Variants in CADPS observed in about 807,000 individuals in gnomAD.
The protein encoded by CADPS is calcium-dependent secretion activator 1.
CADPS carries 57 observed loss-of-function variants against 167.3 expected under a neutral mutation model. The observed-to-expected ratio is 0.34, with a 90% CI of 0.28 to 0.42. CADPS has a LOEUF of 0.42. Ranked by LOEUF, CADPS falls within the 20% of genes least tolerant of loss-of-function variation. The pLI, the probability that CADPS is intolerant of heterozygous loss-of-function variation, is 1.00. For missense variants in CADPS, 1,414 were observed against 1,738.1 expected (o/e 0.81, Z 3.32); for synonymous variants, 676 against 635.3 (o/e 1.06, Z -0.96).
At chr3:62,417,273 ACTCTTTTTTTTTTT>A (rs1411048575) in intron 28 of CADPS, among the ~76,000 whole-genome samples, 1 of 51,534 alleles carries the variant, frequency 1.9e-5, no homozygotes, top group East Asian at 6.9e-4. Context: ...TTTTTCTTTT[ACTCTTTTTTTTTTT>A]TTTTTTTTTT....
intron 28 of CADPS, among the ~76,000 whole-genome samples, chr3:62,406,508 A>C (rs1708554571): frequency 6.6e-6 from 1 of 152,228 alleles, no homozygotes; most frequent in Admixed American, 6.5e-5. Flanking sequence ...ACACCTGGGC[A>C]CTAACTTTTC....
chr3:62,761,901 A>G (rs2085539610), intron 2 of CADPS, among the ~76,000 whole-genome samples: 1 of 152,128 alleles, frequency 6.6e-6, no homozygotes, highest in African/African-American at 2.4e-5. Flanking sequence ...GAAGAGATTA[A>G]TGGATTAATC....
intron 3 of CADPS, among the ~76,000 whole-genome samples, chr3:62,719,410 C>T (rs1259810455): frequency 2.0e-5 from 3 of 152,236 alleles, no homozygotes; most frequent in Non-Finnish European, 4.4e-5. Context: ...GTACCCCTGA[C>T]CCCACAGACT....
chr3:62,842,876 G>A (rs1323304665), intron 1 of CADPS, among the ~76,000 whole-genome samples: 2 of 152,288 alleles, frequency 1.3e-5, no homozygotes, highest in East Asian at 1.9e-4. Flanking sequence ...TGGTACTTAT[G>A]CAAACATATC....
intron 11 of CADPS, among the ~76,000 whole-genome samples, chr3:62,548,063 T>A (rs1406814060): frequency 1.3e-5 from 2 of 152,146 alleles, no homozygotes; most frequent in South Asian, 4.1e-4. Flanking sequence ...CTGAGATACA[T>A]GCTTTATGAG....
At chr3:62,624,004 T>C (rs972856375) in intron 6 of CADPS, among the ~76,000 whole-genome samples, 6 of 152,006 alleles carry the variant, frequency 3.9e-5, no homozygotes, top group African/African-American at 9.7e-5. Context: ...TTTATAGTTA[T>C]AGATTTCTTT....
At chr3:62,627,237 C>T (rs2149598715) in intron 6 of CADPS, among the ~76,000 whole-genome samples, 1 of 151,952 alleles carries the variant, frequency 6.6e-6, no homozygotes, top group Non-Finnish European at 1.5e-5. Flanking sequence ...TCCACCTAAT[C>T]CAATTATTCA....
At chr3:62,782,073 G>C (rs141604344) in intron 1 of CADPS, among the ~76,000 whole-genome samples, 2 of 152,156 alleles carry the variant, frequency 1.3e-5, no homozygotes. Context: ...TTTGGTGAAG[G>C]TTTGGAAGGA....
At chr3:62,783,661 C>T (rs756164270) in intron 1 of CADPS, among the ~76,000 whole-genome samples, 3 of 152,158 alleles carry the variant, frequency 2.0e-5, no homozygotes, top group Admixed American at 6.5e-5. Flanking sequence ...ATATGTAAGA[C>T]TGTTTGTTAA....
intron 6 of CADPS, among the ~76,000 whole-genome samples, chr3:62,594,579 T>C (rs2086873988): frequency 6.6e-6 from 1 of 152,230 alleles, no homozygotes; most frequent in South Asian, 2.1e-4. Flanking sequence ...GTTTTGTTTT[T>C]TGAGGTGGGG....
intron 6 of CADPS, among the ~76,000 whole-genome samples, chr3:62,625,012 G>A (rs1198538812): frequency 6.9e-6 from 1 of 144,024 alleles, no homozygotes; most frequent in Non-Finnish European, 1.5e-5. Flanking sequence ...GAGGGTGTGT[G>A]GGATCCATGG....
At chr3:62,557,857 C>G (rs899476349) in intron 9 of CADPS, among the ~76,000 whole-genome samples, 3 of 152,120 alleles carry the variant, frequency 2.0e-5, no homozygotes, top group African/African-American at 7.2e-5. Context: ...TTGGGTTAAG[C>G]TACATGTGAC....
intron 5 of CADPS, among the ~76,000 whole-genome samples, chr3:62,648,691 C>CAAAAAAACAAAAAAAAA (rs2069183989): frequency 1.8e-5 from 1 of 54,526 alleles, no homozygotes; most frequent in African/African-American, 6.0e-5. Flanking sequence ...GACGTTGTGT[C>CAAAAAAACAAAAAAAAA]AAAAAAAAAA....
At chr3:62,810,279 G>T (rs764225317) in intron 1 of CADPS, among the ~76,000 whole-genome samples, 1 of 152,154 alleles carries the variant, frequency 6.6e-6, no homozygotes, top group African/African-American at 2.4e-5. Flanking sequence ...AAAAGGTAAA[G>T]ACGATAATGT....
At chr3:62,664,509 A>G (rs1297285862) in intron 3 of CADPS, among the ~76,000 whole-genome samples, 1 of 152,208 alleles carries the variant, frequency 6.6e-6, no homozygotes, top group Admixed American at 6.5e-5. Flanking sequence ...TGCTGTTTTT[A>G]GGTTCCAATG....
chr3:62,865,377 T>C (rs1158805403), intron 1 of CADPS, among the ~76,000 whole-genome samples: 1 of 137,312 alleles, frequency 7.3e-6, no homozygotes, highest in East Asian at 2.0e-4. Flanking sequence ...CCTGGAACAC[T>C]TAAGGATTAA....
chr3:62,634,181 G>A (rs373440790), intron 6 of CADPS, among the ~76,000 whole-genome samples: 20 of 152,294 alleles, frequency 1.3e-4, no homozygotes, highest in East Asian at 9.7e-4. Context: ...CAGGTCTAGA[G>A]AAATTACCGT....
chr3:62,539,943 T>G lies in CADPS; in HGVS notation c.1967-3362A>C, dbSNP rs961177679. 5.3e-5 allele frequency among the ~76,000 whole-genome samples: 8 copies of G among 152,240 alleles called. No individual in the cohort carries two copies. In the East Asian group the frequency reaches 1.5e-3, roughly 29 times the overall value. ...GTTGCTTAATGCCTCTGGGCCTCCT[T>G]GGCCTCATTTGTAAAATGAAGTTAA... On this transcript the variant is annotated intron_variant, in intron 11 of 29. Transcript: ENST00000383710.
chr3:62,654,360 T>A (rs2071001113), intron 4 of CADPS, among the ~76,000 whole-genome samples: 1 of 152,084 alleles, frequency 6.6e-6, no homozygotes, highest in African/African-American at 2.4e-5. Context: ...GTGATGCAAA[T>A]CCTTCCTGAG....
Sources: allele counts gnomAD v4.1 joint callset (sites outside exome capture counted in the v4.1 genomes callset), GRCh38; gene constraint gnomAD v4.1.1; transcripts MANE v1.5; gene names NCBI Gene and HGNC (gene_info 2026-07-23, HGNC 2026-07-21).